Variants in AP4S1 observed in about 807,000 individuals in gnomAD.
The protein encoded by AP4S1 is AP-4 complex subunit sigma-1.
A neutral mutation model predicts 19.8 loss-of-function variants in AP4S1; 23 were observed. The ratio of observed to expected loss-of-function variants is 1.16; its 90% CI spans 0.84 to 1.65. AP4S1 has a LOEUF of 1.65. Among genes scored for constraint, AP4S1 ranks in the 40% most tolerant of loss-of-function variants. The probability of loss-of-function intolerance (pLI) is 0.00; values close to 1 mark genes in which losing one functional copy is unlikely to be tolerated. For missense variants in AP4S1, 166 were observed against 172.8 expected (o/e 0.96, Z 0.22); for synonymous variants, 46 against 54.1 (o/e 0.85, Z 0.66).
upstream of AP4S1, chr14:31,025,400 G>A (rs555728241): frequency 9.1e-4 from 153 of 168,934 alleles, 1 homozygote; most frequent in Middle Eastern, 0.022. Context: ...TGGCTGTCAA[G>A]GGGCAAGCGC....
At chr14:31,057,542 A>G (rs1032153417) in intron 1 of AP4S1, among the ~76,000 whole-genome samples, 1 of 152,204 alleles carries the variant, frequency 6.6e-6, no homozygotes, top group African/African-American at 2.4e-5. Flanking sequence ...TTCTCTGGGC[A>G]TTAAGTTTAC....
chr14:31,039,360 A>G (rs958582626), intron 1 of AP4S1, among the ~76,000 whole-genome samples: 7 of 151,124 alleles, frequency 4.6e-5, no homozygotes, highest in Non-Finnish European at 1.0e-4. Flanking sequence ...TAATTTTTGC[A>G]TTTTTAGTAA....
chr14:31,091,446 C>G (rs1358381601), intron 5 of AP4S1, among the ~76,000 whole-genome samples: 1 of 152,092 alleles, frequency 6.6e-6, no homozygotes, highest in Non-Finnish European at 1.5e-5. Flanking sequence ...GCCTAACATT[C>G]CAGTCCCAGT....
At chr14:31,059,348 G>C in intron 1 of AP4S1, among the ~76,000 whole-genome samples, 1 of 152,172 alleles carries the variant, frequency 6.6e-6, no homozygotes, top group Middle Eastern at 3.2e-3. Flanking sequence ...TGCTGTGCTT[G>C]TAAGGTAGAA....
intron 1 of AP4S1, among the ~76,000 whole-genome samples, chr14:31,050,233 T>A (rs1478604168): frequency 6.6e-6 from 1 of 152,156 alleles, no homozygotes; most frequent in Non-Finnish European, 1.5e-5. Context: ...AATTTTTGTA[T>A]TTTTAGTAGA....
chr14:31,038,203 T>G (rs1213796416), intron 1 of AP4S1, among the ~76,000 whole-genome samples: 1 of 152,178 alleles, frequency 6.6e-6, no homozygotes, highest in Non-Finnish European at 1.5e-5. Flanking sequence ...AAAGAGTGAT[T>G]AGCTCAACTT....
intron 4 of AP4S1, among the ~76,000 whole-genome samples, chr14:31,073,414 C>CCA (rs1341317969): frequency 7.4e-6 from 1 of 135,284 alleles, no homozygotes; most frequent in Non-Finnish European, 1.6e-5. Context: ...GGCGTGAACC[C>CCA]GGGAGGCGGA....
rs1886913623 is a variant in AP4S1, at chr14:31,069,941, G to C, written c.225+12G>C. The C allele has an allele frequency of 2.5e-6, 4 of 1,591,302 alleles. No individual in the cohort carries two copies. The Admixed American group carries it at 6.7e-5, about 27-fold the overall frequency. On this transcript the variant is annotated intron_variant, in intron 3 of 5. Transcript: ENST00000542754. ...TTAATGACACTGAGGTAAGATAATAGAAGAGCCCTTGGAAAATGCAAGAAT... is the reference window on the plus strand; with the variant it reads ...TTAATGACACTGAGGTAAGATAATACAAGAGCCCTTGGAAAATGCAAGAAT...
At chr14:31,049,195 T>G (rs1289166058) in intron 1 of AP4S1, among the ~76,000 whole-genome samples, 1 of 151,312 alleles carries the variant, frequency 6.6e-6, no homozygotes, top group Non-Finnish European at 1.5e-5. Context: ...GGGTGGATCA[T>G]GAGGTCAGGA....
chr14:31,087,405 G>A (rs1278231063), intron 5 of AP4S1, among the ~76,000 whole-genome samples: 1 of 152,034 alleles, frequency 6.6e-6, no homozygotes, highest in African/African-American at 2.4e-5. Context: ...TGTCCGTGCT[G>A]GAGTGCAGTG....
chr14:31,060,219 T>C (rs1886359962), intron 1 of AP4S1, among the ~76,000 whole-genome samples: 1 of 151,806 alleles, frequency 6.6e-6, no homozygotes, highest in Admixed American at 6.6e-5. Context: ...CAAACACAGA[T>C]GGAAAATACA....
At chr14:31,051,408 C>T (rs937592307) in intron 1 of AP4S1, among the ~76,000 whole-genome samples, 9 of 152,166 alleles carry the variant, frequency 5.9e-5, no homozygotes, top group Non-Finnish European at 1.2e-4. Flanking sequence ...CTGTGGCTCA[C>T]GCCTGTAATC....
At chr14:31,041,086 A>AAT (rs1885083652) in intron 1 of AP4S1, among the ~76,000 whole-genome samples, 2 of 151,720 alleles carry the variant, frequency 1.3e-5, no homozygotes, top group Non-Finnish European at 1.5e-5. Context: ...AAAAAAAAAA[A>AAT]AAAAGTACGC....
intron 3 of AP4S1, among the ~76,000 whole-genome samples, chr14:31,072,703 AT>A (rs1454911780): frequency 6.6e-6 from 1 of 152,074 alleles, no homozygotes; most frequent in East Asian, 1.9e-4. Context: ...GTTTATCTAC[AT>A]TTCCCCCATT....
At chr14:31,050,829 C>G (rs1885747624) in intron 1 of AP4S1, among the ~76,000 whole-genome samples, 1 of 152,162 alleles carries the variant, frequency 6.6e-6, no homozygotes, top group South Asian at 2.1e-4. Context: ...TACCATGTTG[C>G]ATTTAGTCAT....
chr14:31,051,093 A>G (rs1036874084), intron 1 of AP4S1, among the ~76,000 whole-genome samples: 1 of 151,962 alleles, frequency 6.6e-6, no homozygotes, highest in African/African-American at 2.4e-5. Flanking sequence ...CATCTCCACA[A>G]GAAAATAAAA....
At chr14:31,025,369 T>C (rs1159610323), upstream of AP4S1, 1 of 161,164 alleles carries the variant, frequency 6.2e-6, no homozygotes. Context: ...CTGTGCACCC[T>C]AGCAGCCCAG....
At chr14:31,070,042 T>C (rs949150191) in intron 3 of AP4S1, 113 bp downstream of exon 3, 64 of 851,906 alleles carry the variant, frequency 7.5e-5, no homozygotes, top group South Asian at 4.4e-4. Flanking sequence ...GTCACCAGTC[T>C]GGAGTGCCGT....
At chr14:31,088,991 G>A (rs917787897) in intron 5 of AP4S1, among the ~76,000 whole-genome samples, 4 of 151,448 alleles carry the variant, frequency 2.6e-5, no homozygotes, top group South Asian at 2.1e-4. Context: ...GTGAAACCCC[G>A]TTCCTCCAAA....
Sources: allele counts gnomAD v4.1 joint callset (sites outside exome capture counted in the v4.1 genomes callset), GRCh38; gene constraint gnomAD v4.1.1; transcripts MANE v1.5; gene names NCBI Gene and HGNC (gene_info 2026-07-23, HGNC 2026-07-21).